DUSP22: variants seen among roughly 807,000 people sequenced by gnomAD.
The protein encoded by DUSP22 is dual specificity protein phosphatase 22.
A neutral mutation model predicts 24.5 loss-of-function variants in DUSP22; 24 were observed. The ratio of observed to expected loss-of-function variants is 0.98; its 90% CI spans 0.71 to 1.38. The LOEUF is 1.38. DUSP22 is among the 40% of genes most tolerant of loss of function. DUSP22 has a pLI of 0.00. For missense variants in DUSP22, 330 were observed against 269.2 expected (o/e 1.23, Z -1.58); for synonymous variants, 160 against 106.4 (o/e 1.50, Z -3.10).
intron 3 of DUSP22, among the ~76,000 whole-genome samples, chr6:324,668 T>C (rs1758768912): frequency 6.6e-6 from 1 of 152,428 alleles, no homozygotes; most frequent in South Asian, 2.1e-4. Context: ...CTGCTCTGGG[T>C]CAGTGTTTGC....
intron 1 of DUSP22, among the ~76,000 whole-genome samples, chr6:302,784 G>GAGTTCAGTGTTT (rs1757643529): frequency 6.6e-6 from 1 of 152,308 alleles, no homozygotes; most frequent in African/African-American, 2.4e-5. Flanking sequence ...CAGCAAGGAA[G>GAGTTCAGTGTTT]ACTCTATTCG....
intron 6 of DUSP22, 51 bp downstream of exon 6, chr6:348,325 G>A (rs1414762756): frequency 6.2e-7 from 1 of 1,608,196 alleles, no homozygotes; most frequent in Non-Finnish European, 8.5e-7. Flanking sequence ...CCCCTGAACG[G>A]TGCCCACAGT....
intron 5 of DUSP22, among the ~76,000 whole-genome samples, chr6:346,986 T>C (rs1267753308): frequency 6.6e-6 from 1 of 152,428 alleles, no homozygotes; most frequent in African/African-American, 2.4e-5. Context: ...ATACAGTTCT[T>C]GAAATCACAT....
intron 3 of DUSP22, among the ~76,000 whole-genome samples, chr6:331,703 T>C (rs569072656): frequency 6.5e-3 from 990 of 152,080 alleles, no homozygotes; most frequent in Non-Finnish European, 0.011. Flanking sequence ...TGTACACATG[T>C]GCAGGTATCT....
intron 1 of DUSP22, among the ~76,000 whole-genome samples, chr6:296,708 C>T (rs1366092573): frequency 4.6e-5 from 7 of 152,306 alleles, no homozygotes; most frequent in African/African-American, 1.7e-4. Context: ...CGACTAGTCT[C>T]TAGCCAAACA....
rs1486738926 is a variant in DUSP22, at chr6:351,052, A to G, written c.*2101A>G. On this transcript the variant is annotated 3_prime_UTR_variant, in exon 7 of 7. Transcript: ENST00000419235. ...AGGATATTCTTTAGCAAGAGAAAAT[A>G]TTTTCCCCTTATCCCCACTGCTGTG... The G allele has an allele frequency of 1.0e-6, 1 of 954,786 alleles. No homozygotes were observed. The highest frequency in any genetic ancestry group is 2.7e-5 in the East Asian group (1 of 37,220). The allele number at this position is 954,786 out of a possible 1,614,324, so 59.1% of individuals were successfully genotyped here.
At position 349,167 on chromosome 6, in the gene DUSP22, G is replaced by A. The variant is rs975101823; in HGVS notation, c.*216G>A. 38 of 1,427,744 alleles carry A rather than the reference G, an allele frequency of 2.7e-5. No homozygotes were observed. Among genetic ancestry groups the A allele is most frequent in the South Asian group, 1.5e-4 (10 of 66,956 alleles). The allele number at this position is 1,427,744 out of a possible 1,614,324, so 88.4% of individuals were successfully genotyped here. On this transcript the variant is annotated 3_prime_UTR_variant, in exon 7 of 7. Coordinates refer to ENST00000419235, the MANE Select transcript of DUSP22 (RefSeq NM_001286555.3). ...GGCTGCACCTGAGCTTGCTGCCCCT[G>A]GGGATGTTGCCCAGTGGCTGTGCAC...
chr6:303,302 C>A (rs1040668737), intron 1 of DUSP22, among the ~76,000 whole-genome samples: 1 of 152,296 alleles, frequency 6.6e-6, no homozygotes, highest in Non-Finnish European at 1.5e-5. Context: ...ATTAGCAAAG[C>A]CTCTTTTCAT....
chr6:342,824 C>T (rs1475374151), intron 4 of DUSP22, among the ~76,000 whole-genome samples: 3 of 152,308 alleles, frequency 2.0e-5, no homozygotes, highest in Non-Finnish European at 4.4e-5. Flanking sequence ...ATTGCTTCAA[C>T]ATGGACAGAG....
At position 350,505 on chromosome 6, in the gene DUSP22, G is replaced by C; in HGVS notation, c.*1554G>C. The C allele has an allele frequency of 7.8e-7, 1 of 1,282,572 alleles. No individual in the cohort carries two copies. The highest frequency in any genetic ancestry group is 1.8e-5 in the South Asian group (1 of 56,550). 79.4% of individuals were successfully genotyped at this position (1,282,572 alleles called of 1,614,324 possible). A position where few individuals can be genotyped will look rare whatever the true frequency, so the allele number is the denominator to read the frequency against. On this transcript the variant is annotated 3_prime_UTR_variant, in exon 7 of 7. Coordinates refer to ENST00000419235, the MANE Select transcript of DUSP22 (RefSeq NM_001286555.3). ...GAAGAGCAGTTTTCCTGTGCATATA[G>C]AGGGTGTGTCAAAGGTGAGCTTTTT...
chr6:329,961 A>T (rs1759065980), intron 3 of DUSP22, among the ~76,000 whole-genome samples: 1 of 152,248 alleles, frequency 6.6e-6, no homozygotes, highest in South Asian at 2.1e-4. Context: ...ATGTGGTGAA[A>T]GTCGCTCTTG....
At chr6:337,869 G>A (rs1430597527) in intron 4 of DUSP22, 1 of 152,508 alleles carries the variant, frequency 6.6e-6, no homozygotes, top group African/African-American at 2.4e-5. Flanking sequence ...TTGGCTGGAT[G>A]ACTGGCTCTT....
At position 348,756 on chromosome 6, in the gene DUSP22, C is replaced by G; in HGVS notation, c.436-13C>G. On this transcript the variant is annotated splice_polypyrimidine_tract_variant and intron_variant, in intron 6 of 6. Transcript: ENST00000419235. ...TGTGTGTGACGTTTCGGGTTTGTTT[C>G]CATCCTCTCCAGTATCGGCAGTGGC... 6.2e-7 allele frequency: 1 copy of G among 1,614,184 alleles called. No homozygotes were observed.
In DUSP22 at chr6:292,535, C is replaced by T. The variant is rs375538067; in HGVS notation, c.-5C>T. On this transcript the variant is annotated 5_prime_UTR_variant, in exon 1 of 7. Coordinates refer to ENST00000419235, the MANE Select transcript of DUSP22 (RefSeq NM_001286555.3). ...CCGGGGCGCTAGCGTTCGCCTTCAG[C>T]CACCATGGGGAATGGGATGAACAAG... is the stretch of plus-strand genomic sequence containing the variant. The T allele has an allele frequency of 6.5e-5, 105 of 1,606,016 alleles. No individual in the cohort carries two copies. In the African/African-American group the frequency reaches 1.2e-3, roughly 19 times the overall value.
intron 3 of DUSP22, among the ~76,000 whole-genome samples, chr6:324,665 G>T: frequency 6.6e-6 from 1 of 152,426 alleles, no homozygotes; most frequent in South Asian, 2.1e-4. Context: ...ACCCTGCTCT[G>T]GGTCAGTGTT....
intron 4 of DUSP22, among the ~76,000 whole-genome samples, chr6:345,269 G>A (rs759132509): frequency 4.3e-4 from 64 of 149,604 alleles, no homozygotes; most frequent in Non-Finnish European, 7.1e-4. Context: ...GAGTGCAGTC[G>A]TGTGATCTTG....
At chr6:321,037 C>G (rs1758565242) in intron 3 of DUSP22, among the ~76,000 whole-genome samples, 1 of 152,300 alleles carries the variant, frequency 6.6e-6, no homozygotes, top group African/African-American at 2.4e-5. Flanking sequence ...GGGGAGGCGG[C>G]TAACACTGCA....
intron 1 of DUSP22, among the ~76,000 whole-genome samples, chr6:296,723 G>A (rs1757348802): frequency 6.6e-6 from 1 of 152,304 alleles, no homozygotes; most frequent in African/African-American, 2.4e-5. Flanking sequence ...CAAACATTAT[G>A]TCAGAGAAGG....
chr6:339,467 A>G (rs1315732061), intron 4 of DUSP22, among the ~76,000 whole-genome samples: 1 of 152,312 alleles, frequency 6.6e-6, no homozygotes, highest in Non-Finnish European at 1.5e-5. Flanking sequence ...ATGCATATTA[A>G]CTTATATTTA....
Sources: allele counts gnomAD v4.1 joint callset (sites outside exome capture counted in the v4.1 genomes callset), GRCh38; gene constraint gnomAD v4.1.1; transcripts MANE v1.5; gene names NCBI Gene and HGNC (gene_info 2026-07-23, HGNC 2026-07-21).